The following PCDHGA7 variants were observed in gnomAD, a reference collection of about 807,000 sequenced individuals.
PCDHGA7 encodes protocadherin gamma-A7.
PCDHGA7 carries 44 observed loss-of-function variants against 58.3 expected under a neutral mutation model. The observed-to-expected ratio is 0.75, with a 90% CI of 0.59 to 0.97. PCDHGA7 has a LOEUF of 0.97. Ranked by LOEUF, PCDHGA7 falls within the 50% of genes least tolerant of loss-of-function variation. The probability of loss-of-function intolerance (pLI) is 0.00; values close to 1 mark genes in which losing one functional copy is unlikely to be tolerated. For missense variants in PCDHGA7, 1,266 were observed against 1,188.7 expected (o/e 1.06, Z -0.96); for synonymous variants, 516 against 504.2 (o/e 1.02, Z -0.31).
At chr5:141,399,256 G>T in intron 1 of PCDHGA7, 3 of 1,613,964 alleles carry the variant, frequency 1.9e-6, no homozygotes, top group Non-Finnish European at 2.5e-6. Flanking sequence ...GGAAAATGGG[G>T]AGGTTAATTG....
At position 141,413,154 on chromosome 5, in the gene PCDHGA7, A is replaced by C. The variant is rs1308503780; in HGVS notation, c.2424+27831A>C. 10 of 1,576,026 alleles carry C rather than the reference A, an allele frequency of 6.3e-6. No homozygotes were observed. In the South Asian group the frequency reaches 1.2e-4, roughly 18 times the overall value. ...ACAACGTGTCCAGTGAGGACTTTGC[A>C]GAATTCTGTAACCAGACTACAATGG... On this transcript the variant is annotated intron_variant, in intron 1 of 3. Coordinates refer to ENST00000518325, the MANE Select transcript of PCDHGA7 (RefSeq NM_018920.4).
At chr5:141,451,004 T>A (rs2098704048) in intron 1 of PCDHGA7, among the ~76,000 whole-genome samples, 1 of 151,474 alleles carries the variant, frequency 6.6e-6, no homozygotes, top group South Asian at 2.1e-4. Flanking sequence ...TTTTTGTATT[T>A]TTTTTAGTAG....
In PCDHGA7 at chr5:141,490,963, G is replaced by GC; in HGVS notation, c.2425-3838dup. 6.2e-7 allele frequency: 1 copy of GC among 1,613,760 alleles called. No individual in the cohort carries two copies. On this transcript the variant is annotated intron_variant, in intron 1 of 3. Transcript: ENST00000518325. This position sits in a 1 kb window ranked among gnomAD's most constrained non-coding sequence, Gnocchi z 5.4. ...CCCACGGCCAGACTGGGAACACTCA[G>GC]CCCCCCAGCGTCTCCCTCGCTCTGC...
chr5:141,405,746 G>A (rs1174743960), intron 1 of PCDHGA7, among the ~76,000 whole-genome samples: 1 of 152,108 alleles, frequency 6.6e-6, no homozygotes, highest in Non-Finnish European at 1.5e-5. Context: ...CCAAAGCACT[G>A]GGATTACAGG....
rs1285653916 is a variant in PCDHGA7, at chr5:141,388,617, G to A, written c.2424+3294G>A. ...TGATAATGCTCCAGTGTTCAGTCAA[G>A]ACGTATACAGGGTGAGCCTTTCAGA... is the stretch of plus-strand genomic sequence containing the variant. On this transcript the variant is annotated intron_variant, in intron 1 of 3. Coordinates refer to ENST00000518325, the MANE Select transcript of PCDHGA7 (RefSeq NM_018920.4). The A allele has an allele frequency of 3.1e-6, 5 of 1,613,920 alleles. No individual in the cohort carries two copies. The South Asian group carries it at 5.5e-5, about 18-fold the overall frequency.
chr5:141,480,145 C>A (rs1331658762), intron 1 of PCDHGA7, among the ~76,000 whole-genome samples: 1 of 151,968 alleles, frequency 6.6e-6, no homozygotes, highest in Non-Finnish European at 1.5e-5. Context: ...CAATTATTAG[C>A]CAGCTCCTAG....
intron 1 of PCDHGA7, chr5:141,404,979 G>A (rs771576875): frequency 6.2e-7 from 1 of 1,613,994 alleles, no homozygotes; most frequent in Non-Finnish European, 8.5e-7. Context: ...GCTGACCTGG[G>A]CAGTCTTCAG....
At position 141,385,031 on chromosome 5, in the gene PCDHGA7, T is replaced by C; in HGVS notation, c.2132T>C (p.Leu711Pro). The C allele has an allele frequency of 1.9e-6, 3 of 1,614,190 alleles. No individual in the cohort carries two copies. The African/African-American group carries it at 4.0e-5, about 21-fold the overall frequency. The stretch of plus-strand genomic sequence containing the variant: ...GTCTTCCTAGCCTTCGTCCTCGTAC[T>C]GCTGGCGCTCAGGCTGCGGCGCTGG... ...SCVFLAFVLV[L>P]LALRLRRWHK... Residue 711 changes from leucine (L) to proline (P), a missense_variant, in exon 1 of 4, where the codon CTG becomes CCG. By Grantham distance (98) the Leu-to-Pro change is moderately conservative. Coordinates refer to ENST00000518325, the MANE Select transcript of PCDHGA7 (RefSeq NM_018920.4).
At chr5:141,459,075 G>T (rs562572838) in intron 1 of PCDHGA7, among the ~76,000 whole-genome samples, 1 of 152,134 alleles carries the variant, frequency 6.6e-6, no homozygotes, top group Non-Finnish European at 1.5e-5. Context: ...CATAAAATTT[G>T]CCTTTTAAAA....
chr5:141,491,136 G>A lies in PCDHGA7; in HGVS notation c.2425-3671G>A, dbSNP rs769904518. On this transcript the variant is annotated intron_variant, in intron 1 of 3. Coordinates refer to ENST00000518325, the MANE Select transcript of PCDHGA7 (RefSeq NM_018920.4). This position sits in a 1 kb window ranked among gnomAD's most constrained non-coding sequence, Gnocchi z 6.9. ...ACACTGGTGAGGTGCGCACAGCCCG[G>A]GCCTTACTGGAGGATGACTCTGACA... The A allele has an allele frequency of 2.4e-5, 38 of 1,614,030 alleles. 1 individual carries two copies. The South Asian group carries it at 4.1e-4, about 17-fold the overall frequency.
intron 1 of PCDHGA7, chr5:141,478,446 G>A: frequency 6.2e-7 from 1 of 1,613,520 alleles, no homozygotes; most frequent in Non-Finnish European, 8.5e-7. Flanking sequence ...AAGAAACCTG[G>A]TGCAGCCAGT....
intron 1 of PCDHGA7, chr5:141,433,272 C>G (rs1161817377): frequency 8.0e-7 from 1 of 1,252,412 alleles, no homozygotes; most frequent in Non-Finnish European, 1.1e-6. Flanking sequence ...TAGCTCACTG[C>G]AGCCTCAAAC....
At chr5:141,430,301 C>G (rs985986465) in intron 1 of PCDHGA7, among the ~76,000 whole-genome samples, 2 of 150,982 alleles carry the variant, frequency 1.3e-5, no homozygotes, top group Non-Finnish European at 2.9e-5. Context: ...AGCAGATGCA[C>G]TAACATTATA....
At position 141,487,943 on chromosome 5, in the gene PCDHGA7, A is replaced by C. The variant is rs2099669443; in HGVS notation, c.2425-6864A>C. ...TACAGTGCACAGGGTACAGTGCACCAGGCAGTCACTTGGACAAAGGTGGCT... is the reference window on the plus strand; with the variant it reads ...TACAGTGCACAGGGTACAGTGCACCCGGCAGTCACTTGGACAAAGGTGGCT... On this transcript the variant is annotated intron_variant, in intron 1 of 3. Coordinates refer to ENST00000518325, the MANE Select transcript of PCDHGA7 (RefSeq NM_018920.4). The surrounding 1 kb of genome is among the most constrained non-coding windows in gnomAD (Gnocchi z 5.0). Among the ~76,000 whole-genome samples, 1 of 152,220 alleles carries C rather than the reference A, an allele frequency of 6.6e-6. No homozygotes were observed.
chr5:141,404,210 A>G (rs927879028), intron 1 of PCDHGA7: 11 of 1,613,840 alleles, frequency 6.8e-6, no homozygotes, highest in Non-Finnish European at 9.3e-6. Context: ...AGAATATAAT[A>G]TCACGGTGAC....
At chr5:141,385,865 G>T (rs1329915375) in intron 1 of PCDHGA7, 1 of 152,944 alleles carries the variant, frequency 6.5e-6, no homozygotes, top group Admixed American at 6.5e-5. Context: ...GTAGTAGAAG[G>T]TTGGATTTAT....
chr5:141,465,454 T>A (rs1031876441), intron 1 of PCDHGA7, among the ~76,000 whole-genome samples: 1 of 152,184 alleles, frequency 6.6e-6, no homozygotes, highest in Non-Finnish European at 1.5e-5. Flanking sequence ...AAGAAAACTC[T>A]CACCAAATTG....
chr5:141,399,491 T>A, intron 1 of PCDHGA7: 1 of 1,614,022 alleles, frequency 6.2e-7, no homozygotes, highest in African/African-American at 1.3e-5. Flanking sequence ...TCCTACTTAG[T>A]CAGTGTACCC....
In PCDHGA7 at chr5:141,486,288, T is replaced by G. The variant is rs1181533037; in HGVS notation, c.2425-8519T>G. ...GAACCTGGCACTGTGGTGGCACTTA[T>G]CAGTGTGCAGGATCCAGACTCAGGG... On this transcript the variant is annotated intron_variant, in intron 1 of 3. Transcript: ENST00000518325. This position sits in a 1 kb window ranked among gnomAD's most constrained non-coding sequence, Gnocchi z 5.0. The G allele has an allele frequency of 6.2e-7, 1 of 1,613,996 alleles. No individual in the cohort carries two copies. The highest frequency in any genetic ancestry group is 1.7e-5 in the Admixed American group (1 of 60,000).
Sources: gnomAD v4.1 joint callset for allele counts (sites outside exome capture counted in the v4.1 genomes callset) on GRCh38, gnomAD v4.1.1 for gene constraint, Gnocchi (gnomAD v3.1) non-coding constraint, MANE v1.5 for transcripts, NCBI Gene and HGNC (gene_info 2026-07-23, HGNC 2026-07-21) for gene names.